Variants in SLC51B observed in about 807,000 individuals in gnomAD.
SLC51B encodes SLC51 subunit beta, also known as organic solute transporter subunit beta.
In SLC51B, 6 loss-of-function variants were observed where a neutral mutation model predicts 8.0. The ratio of observed to expected loss-of-function variants is 0.75; its 90% CI spans 0.41 to 1.48. SLC51B has a LOEUF of 1.48. Among genes scored for constraint, SLC51B ranks in the 40% most tolerant of loss-of-function variants. The pLI, the probability that SLC51B is intolerant of heterozygous loss-of-function variation, is 0.01. For missense variants in SLC51B, 150 were observed against 149.7 expected (o/e 1.00, Z -0.01); for synonymous variants, 61 against 54.8 (o/e 1.11, Z -0.50).
At position 65,045,575 on chromosome 15, in the gene SLC51B, G is replaced by A. The variant is rs2086566588; in HGVS notation, c.-116G>A. 1 of 152,322 alleles carries A rather than the reference G, an allele frequency of 6.6e-6. No homozygotes were observed. The highest frequency in any genetic ancestry group is 2.4e-5 in the African/African-American group (1 of 41,466). The allele number at this position is 152,322 out of a possible 1,614,324, so 9.4% of individuals were successfully genotyped here. A position where few individuals can be genotyped will look rare whatever the true frequency, so the allele number is the denominator to read the frequency against. On this transcript the variant is annotated 5_prime_UTR_variant, in exon 1 of 4. Coordinates refer to ENST00000334287, the MANE Select transcript of SLC51B (RefSeq NM_178859.4). ...ATCAAGGCAGTCGTCAGGAACTCAG[G>A]ATCCGGGGTGAGTGTCCTCATCTTG...
rs2086626959 is a variant in SLC51B at position 65,049,936 on chromosome 15, G to A, written c.-69G>A. On this transcript the variant is annotated 5_prime_UTR_variant, in exon 2 of 4. Coordinates refer to ENST00000334287, the MANE Select transcript of SLC51B (RefSeq NM_178859.4). ...TCTCTGCCCAGGGGCCAGAACCGAG[G>A]AGGCCAGGAGGGCTGCTGGGGCTAA... is the stretch of plus-strand genomic sequence containing the variant. 2.4e-6 allele frequency: 3 copies of A among 1,255,434 alleles called. No individual in the cohort carries two copies. The highest frequency in any genetic ancestry group is 3.3e-6 in the Non-Finnish European group (3 of 901,970). The allele number at this position is 1,255,434 out of a possible 1,614,324, so 77.8% of individuals were successfully genotyped here.
intron 1 of SLC51B, among the ~76,000 whole-genome samples, chr15:65,048,807 G>A (rs2086608798): frequency 6.6e-6 from 1 of 152,090 alleles, no homozygotes; most frequent in Non-Finnish European, 1.5e-5. Flanking sequence ...TCAAGAGTTC[G>A]AGACCAGCCT....
Position 65,053,119 on chromosome 15 carries a change from T to G in SLC51B, c.342T>G (p.Asp114Glu). 6.2e-7 allele frequency: 1 copy of G among 1,614,148 alleles called. No homozygotes were observed. Among genetic ancestry groups the G allele is most frequent in the African/African-American group, 1.3e-5 (1 of 75,042 alleles). Residue 114 changes from aspartate (D) to glutamate (E), a missense_variant, in exon 4 of 4, where the codon GAT becomes GAG. By Grantham distance (45) the Asp-to-Glu change is conservative. Transcript: ENST00000334287. Reference sequence around the variant, plus strand: ...TGGAACTTGAGTTAAAAGAGAGAGATGTGCTGTCAGTTTTCCTTCCGGATG... The same window carrying G: ...TGGAACTTGAGTTAAAAGAGAGAGAGGTGCTGTCAGTTTTCCTTCCGGATG... ...AQVELELKERDVLSVFLPDVP... is the reference protein window; with the variant it reads ...AQVELELKEREVLSVFLPDVP...
In SLC51B at chr15:65,046,160, AT is replaced by A. The variant is rs1450573006; in HGVS notation, c.-109+579del. On this transcript the variant is annotated intron_variant, in intron 1 of 3. Coordinates refer to ENST00000334287, the MANE Select transcript of SLC51B (RefSeq NM_178859.4). ...TACTAATAATACAAAAATTAGCTGG[AT>A]GTGGTGGCGGGCACCTATAATCCCA... 2.0e-5 allele frequency among the ~76,000 whole-genome samples: 3 copies of A among 152,170 alleles called. No homozygotes were observed. In the East Asian group the frequency reaches 5.8e-4, roughly 29 times the overall value.
intron 1 of SLC51B, among the ~76,000 whole-genome samples, chr15:65,046,082 C>A (rs1458823887): frequency 2.8e-5 from 1 of 35,924 alleles, no homozygotes; most frequent in Non-Finnish European, 4.9e-5. Context: ...GATGGATCAC[C>A]TCAGGTCAGG....
At chr15:65,051,724 C>T in intron 3 of SLC51B, 119 bp downstream of exon 3, 1 of 822,438 alleles carries the variant, frequency 1.2e-6, no homozygotes, top group Non-Finnish European at 2.0e-6. Context: ...TTTGGGACAG[C>T]AAAATTCAGC....
At chr15:65,050,830 C>CT (rs1206139825) in intron 2 of SLC51B, among the ~76,000 whole-genome samples, 1,040 of 48,120 alleles carry the variant, frequency 0.022, 29 homozygotes, top group African/African-American at 0.053. Flanking sequence ...CTTTCTTCTT[C>CT]TTCTTCTTTT....
intron 1 of SLC51B, among the ~76,000 whole-genome samples, chr15:65,045,855 G>A (rs2086569961): frequency 6.6e-6 from 1 of 152,222 alleles, no homozygotes; most frequent in African/African-American, 2.4e-5. Context: ...AAGCAAACTG[G>A]ATACGTGCTT....
chr15:65,046,716 T>C (rs2086581879), intron 1 of SLC51B, among the ~76,000 whole-genome samples: 1 of 152,092 alleles, frequency 6.6e-6, no homozygotes, highest in African/African-American at 2.4e-5. Context: ...AGTTCAAGGC[T>C]GGCCTGGGCA....
chr15:65,052,628 C>G (rs146786668), intron 3 of SLC51B, among the ~76,000 whole-genome samples: 62 of 152,126 alleles, frequency 4.1e-4, no homozygotes, highest in African/African-American at 1.4e-3. Context: ...AACACCTGGC[C>G]TCAAGTGATC....
At chr15:65,052,631 A>G (rs2086668957) in intron 3 of SLC51B, among the ~76,000 whole-genome samples, 1 of 152,000 alleles carries the variant, frequency 6.6e-6, no homozygotes, top group South Asian at 2.1e-4. Context: ...ACCTGGCCTC[A>G]AGTGATCCAC....
chr15:65,050,830 C>CTTTTTTTTTTTTTTTTTTTTTTTTTT (rs1206139825), intron 2 of SLC51B, among the ~76,000 whole-genome samples: 1 of 48,538 alleles, frequency 2.1e-5, no homozygotes, highest in African/African-American at 5.3e-5. Context: ...CTTTCTTCTT[C>CTTTTTTTTTTTTTTTTTTTTTTTTTT]TTCTTCTTTT....
intron 2 of SLC51B, among the ~76,000 whole-genome samples, chr15:65,050,394 C>T (rs2086634568): frequency 6.6e-6 from 1 of 152,124 alleles, no homozygotes; most frequent in South Asian, 2.1e-4. Context: ...GAATAAAACA[C>T]AAAAATCTCT....
At chr15:65,052,910 C>T in intron 3 of SLC51B, 56 bp from the exon 4 acceptor site, 1 of 1,563,726 alleles carries the variant, frequency 6.4e-7, no homozygotes, top group Non-Finnish European at 8.7e-7. Context: ...TTGGGCGACC[C>T]AGTCCTGCCC....
chr15:65,050,958 C>T (rs1189158242), intron 2 of SLC51B, among the ~76,000 whole-genome samples: 1 of 150,336 alleles, frequency 6.7e-6, no homozygotes, highest in African/African-American at 2.4e-5. Flanking sequence ...GATTCTCATG[C>T]CTCAGTCTCC....
In SLC51B at chr15:65,049,920, A is replaced by C; in HGVS notation, c.-85A>C. On this transcript the variant is annotated 5_prime_UTR_variant, in exon 2 of 4. Coordinates refer to ENST00000334287, the MANE Select transcript of SLC51B (RefSeq NM_178859.4). ...AGGGGTCTTCACGGCTTCTCTGCCC[A>C]GGGGCCAGAACCGAGGAGGCCAGGA... The C allele has an allele frequency of 2.0e-6, 2 of 1,005,398 alleles. No individual in the cohort carries two copies. The highest frequency in any genetic ancestry group is 2.6e-4 in the Middle Eastern group (1 of 3,838). The allele number at this position is 1,005,398 out of a possible 1,614,324, so 62.3% of individuals were successfully genotyped here.
At chr15:65,049,839 A>C in intron 1 of SLC51B, 58 bp from the exon 2 acceptor site, 5 of 473,874 alleles carry the variant, frequency 1.1e-5, no homozygotes, top group African/African-American at 2.0e-5. Flanking sequence ...GGATTTGGGC[A>C]CAGAGGGAGA....
In SLC51B at chr15:65,053,024, G is replaced by A. The variant is rs766649904; in HGVS notation, c.247G>A (p.Ala83Thr). Residue 83 changes from alanine to threonine, a missense_variant, in exon 4 of 4, where the codon GCC (alanine) becomes ACC (threonine). By Grantham distance (58) the Ala-to-Thr change is moderately conservative (BLOSUM62 0). Transcript: ENST00000334287. Reference protein sequence around the residue: ...ETPEVLHLDEAKDHNSLNNLR... With the variant: ...ETPEVLHLDETKDHNSLNNLR... Reference sequence around the variant, plus strand: ...TCCAGAAGTCCTGCATTTGGATGAGGCCAAGGATCACAACAGCCTAAACAA... The same window carrying A: ...TCCAGAAGTCCTGCATTTGGATGAGACCAAGGATCACAACAGCCTAAACAA... 3.1e-6 allele frequency: 5 copies of A among 1,613,822 alleles called. No individual in the cohort carries two copies. In the Middle Eastern group the frequency reaches 4.9e-4, roughly 160 times the overall value.
intron 2 of SLC51B, 76 bp from the exon 3 acceptor site, chr15:65,051,439 C>A: frequency 7.0e-7 from 1 of 1,424,238 alleles, no homozygotes; most frequent in Non-Finnish European, 9.9e-7. Context: ...GGGTCTGAGC[C>A]CAGGCCCCAG....
Sources: gnomAD v4.1 joint callset for allele counts (sites outside exome capture counted in the v4.1 genomes callset) on GRCh38, gnomAD v4.1.1 for gene constraint, MANE v1.5 for transcripts, NCBI Gene and HGNC (gene_info 2026-07-23, HGNC 2026-07-21) for gene names.